Variants in DMXL2 observed in about 807,000 individuals in gnomAD.
DMXL2 encodes the protein dmX-like protein 2.
A neutral mutation model predicts 331.1 loss-of-function variants in DMXL2; 103 were observed. That is an observed-to-expected ratio of 0.31 (90% CI 0.27 to 0.37). The LOEUF (loss-of-function observed/expected upper bound fraction) is 0.37, where lower values mean the gene tolerates loss of function less well. Ranked by LOEUF, DMXL2 falls within the 10% of genes least tolerant of loss-of-function variation. DMXL2 has a pLI of 1.00. For missense variants in DMXL2, 3,171 were observed against 3,642.9 expected (o/e 0.87, Z 3.33); for synonymous variants, 1,281 against 1,252.1 (o/e 1.02, Z -0.49).
At chr15:51,593,332 T>C (rs2052541361) in intron 1 of DMXL2, among the ~76,000 whole-genome samples, 1 of 152,122 alleles carries the variant, frequency 6.6e-6, no homozygotes, top group Non-Finnish European at 1.5e-5. Flanking sequence ...CATTACATAA[T>C]GGTAAAGGGC....
chr15:51,453,732 A>C, intron 40 of DMXL2, 91 bp from the exon 41 acceptor site: 1 of 993,692 alleles, frequency 1.0e-6, no homozygotes, highest in Non-Finnish European at 1.5e-6. Flanking sequence ...AACATACTAT[A>C]TGCATGAGCT....
chr15:51,543,806 C>T (rs2048739905), intron 8 of DMXL2, among the ~76,000 whole-genome samples: 1 of 152,006 alleles, frequency 6.6e-6, no homozygotes, highest in African/African-American at 2.4e-5. Flanking sequence ...TCACTGGTTA[C>T]ATATTTACTT....
At chr15:51,452,845 A>C (rs1314287409) in intron 41 of DMXL2, among the ~76,000 whole-genome samples, 1 of 152,222 alleles carries the variant, frequency 6.6e-6, no homozygotes, top group Non-Finnish European at 1.5e-5. Flanking sequence ...ACCAACCTAA[A>C]TGTCCATCAA....
intron 40 of DMXL2, among the ~76,000 whole-genome samples, chr15:51,454,830 T>C (rs1209142188): frequency 6.6e-6 from 1 of 152,144 alleles, no homozygotes; most frequent in Non-Finnish European, 1.5e-5. Flanking sequence ...TTATCATGTG[T>C]ATATTAAGAA....
intron 29 of DMXL2, among the ~76,000 whole-genome samples, chr15:51,469,034 A>G (rs1478816425): frequency 4.6e-5 from 7 of 152,184 alleles, no homozygotes; most frequent in African/African-American, 1.7e-4. Context: ...CTTGCAAGGT[A>G]TGAATCATAT....
At chr15:51,572,986 A>T (rs1460501650) in intron 2 of DMXL2, among the ~76,000 whole-genome samples, 1 of 152,230 alleles carries the variant, frequency 6.6e-6, no homozygotes, top group Non-Finnish European at 1.5e-5. Flanking sequence ...GGAAGAGAGG[A>T]AGTCAAATTA....
chr15:51,557,712 G>A (rs2049694282), intron 6 of DMXL2, among the ~76,000 whole-genome samples: 1 of 152,106 alleles, frequency 6.6e-6, no homozygotes, highest in Non-Finnish European at 1.5e-5. Flanking sequence ...CCTAGAAACA[G>A]ACCTACAGAA....
intron 34 of DMXL2, 127 bp downstream of exon 34, chr15:51,459,471 G>T: frequency 3.0e-6 from 2 of 657,244 alleles, no homozygotes; most frequent in Non-Finnish European, 4.7e-6. Context: ...CCACTGAAGT[G>T]GTATGGGAGT....
At chr15:51,530,760 C>A (rs2047955610) in intron 13 of DMXL2, among the ~76,000 whole-genome samples, 1 of 151,754 alleles carries the variant, frequency 6.6e-6, no homozygotes, top group Non-Finnish European at 1.5e-5. Context: ...CAAAAACAAA[C>A]AAGCAAACAA....
chr15:51,597,716 T>C (rs1268893034), intron 1 of DMXL2, among the ~76,000 whole-genome samples: 1 of 152,212 alleles, frequency 6.6e-6, no homozygotes. Flanking sequence ...TAATGCTAAA[T>C]TGTTTTCCAA....
chr15:51,525,900 C>G (rs576792604), intron 13 of DMXL2, among the ~76,000 whole-genome samples: 1 of 151,972 alleles, frequency 6.6e-6, no homozygotes. Flanking sequence ...GACACAGGCC[C>G]GGCTGACTTT....
intron 29 of DMXL2, 130 bp downstream of exon 29, chr15:51,471,093 T>G: frequency 1.2e-6 from 1 of 812,560 alleles, no homozygotes; most frequent in Non-Finnish European, 1.8e-6. Context: ...CTGGACTTAA[T>G]AAATTAAACG....
intron 16 of DMXL2, 121 bp from the exon 17 acceptor site, chr15:51,503,154 G>C: frequency 1.4e-6 from 1 of 732,372 alleles, no homozygotes. Context: ...TGGAGGTGAG[G>C]ATATAGAGAA....
chr15:51,585,502 C>T (rs2051743265), intron 1 of DMXL2, among the ~76,000 whole-genome samples: 1 of 151,970 alleles, frequency 6.6e-6, no homozygotes. Flanking sequence ...CAGTCTTTTA[C>T]TATTTCAAAC....
intron 4 of DMXL2, 107 bp downstream of exon 4, chr15:51,564,981 T>A: frequency 3.0e-6 from 2 of 665,308 alleles, no homozygotes; most frequent in South Asian, 4.6e-5. Flanking sequence ...AAAAAGAAAA[T>A]ATAATACATT....
chr15:51,604,565 G>T (rs2053454163), intron 1 of DMXL2, among the ~76,000 whole-genome samples: 1 of 152,142 alleles, frequency 6.6e-6, no homozygotes, highest in South Asian at 2.1e-4. Context: ...ACATGTATCA[G>T]ATCTATATGC....
In DMXL2 at chr15:51,457,476, ACATT is replaced by A. The variant is rs1371092207; in HGVS notation, c.8199-14_8199-11del. 1.9e-6 allele frequency: 3 copies of A among 1,613,502 alleles called. No homozygotes were observed. The highest frequency in any genetic ancestry group is 2.5e-6 in the Non-Finnish European group (3 of 1,179,774). On this transcript the variant is annotated splice_polypyrimidine_tract_variant and intron_variant, in intron 36 of 43. Transcript: ENST00000560891. ...ATCAACATCATCTGAACTGTGAAAA[ACATT>A]CATGTGTTACTGTGAACATTCCCTT...
chr15:51,578,573 A>C (rs1403531528), intron 1 of DMXL2, among the ~76,000 whole-genome samples: 1 of 152,198 alleles, frequency 6.6e-6, no homozygotes. Context: ...ACTAAATTAA[A>C]ATCTACATGG....
intron 33 of DMXL2, chr15:51,463,119 G>A (rs2040271876): frequency 3.8e-6 from 1 of 263,032 alleles, no homozygotes. Context: ...TTTATTATGT[G>A]TAAAAACCTA....
Sources: allele counts gnomAD v4.1 joint callset (sites outside exome capture counted in the v4.1 genomes callset), GRCh38; gene constraint gnomAD v4.1.1; transcripts MANE v1.5; gene names NCBI Gene and HGNC (gene_info 2026-07-23, HGNC 2026-07-21).